MACROD2: variants seen among roughly 807,000 people sequenced by gnomAD.
MACROD2 encodes ADP-ribose glycohydrolase MACROD2.
In MACROD2, 36 loss-of-function variants were observed where a neutral mutation model predicts 70.4. The ratio of observed to expected loss-of-function variants is 0.51; its 90% CI spans 0.39 to 0.68. MACROD2 has a LOEUF of 0.68. Ranked by LOEUF, MACROD2 falls within the 30% of genes least tolerant of loss-of-function variation. The pLI, the probability that MACROD2 is intolerant of heterozygous loss-of-function variation, is 0.00. For synonymous variants in MACROD2, 172 were observed against 178.8 expected, an observed-to-expected ratio of 0.96 and a Z score of 0.30; for missense variants, 496 against 538.4, an observed-to-expected ratio of 0.92 and a Z score of 0.78.
intron 8 of MACROD2, among the ~76,000 whole-genome samples, chr20:15,567,827 G>A (rs953325463): frequency 1.3e-5 from 2 of 152,180 alleles, no homozygotes; most frequent in African/African-American, 4.8e-5. Flanking sequence ...CCAGTGAATG[G>A]TACCAGGTCA....
intron 5 of MACROD2, among the ~76,000 whole-genome samples, chr20:14,820,897 GT>G (rs1313237116): frequency 1.3e-5 from 2 of 152,048 alleles, no homozygotes; most frequent in African/African-American, 4.8e-5. Context: ...TTAGGTGTCA[GT>G]TTTTCATTAT....
chr20:14,809,749 G>T (rs2072686189), intron 5 of MACROD2, among the ~76,000 whole-genome samples: 1 of 151,934 alleles, frequency 6.6e-6, no homozygotes, highest in African/African-American at 2.4e-5. Context: ...CAATAAAGGG[G>T]ATATCACCAG....
chr20:14,922,479 T>G (rs1325771022), intron 5 of MACROD2, among the ~76,000 whole-genome samples: 2 of 152,198 alleles, frequency 1.3e-5, no homozygotes, highest in African/African-American at 4.8e-5. Context: ...TATTTTATTG[T>G]TACATCTAAA....
At chr20:15,068,069 A>C (rs2123099988) in intron 5 of MACROD2, among the ~76,000 whole-genome samples, 1 of 152,296 alleles carries the variant, frequency 6.6e-6, no homozygotes, top group South Asian at 2.1e-4. Context: ...ACAAAAGTTA[A>C]ATTTTATCTG....
chr20:14,287,411 A>G (rs1352851169), intron 3 of MACROD2, among the ~76,000 whole-genome samples: 1 of 150,658 alleles, frequency 6.6e-6, no homozygotes, highest in Non-Finnish European at 1.5e-5. Context: ...GATGATGATG[A>G]TGATCATGGT....
chr20:14,978,908 A>G lies in MACROD2; in HGVS notation c.419-251032A>G, dbSNP rs969961764. Among the ~76,000 whole-genome samples, 22 of 136,172 alleles carry G rather than the reference A, an allele frequency of 1.6e-4. No homozygotes were observed. The East Asian group carries it at 3.6e-3, about 22-fold the overall frequency. 89.3% of individuals were successfully genotyped at this position (136,172 alleles called of 152,430 possible). ...AAATATATATATTATATAATATATT[A>G]TATATAATATATATCATAATATATA... On this transcript the variant is annotated intron_variant, in intron 5 of 17. Coordinates refer to ENST00000684519, the MANE Select transcript of MACROD2 (RefSeq NM_001351661.2).
At chr20:14,732,198 A>G (rs150859318) in intron 5 of MACROD2, among the ~76,000 whole-genome samples, 2,061 of 152,142 alleles carry the variant, frequency 0.014, 48 homozygotes, top group African/African-American at 0.046. Context: ...TTTGGAGGAG[A>G]CTGTGGCTGG....
chr20:15,380,009 C>T (rs1233688299), intron 6 of MACROD2, among the ~76,000 whole-genome samples: 1 of 110,870 alleles, frequency 9.0e-6, no homozygotes, highest in Admixed American at 7.9e-5. Flanking sequence ...TCTCTTGGGT[C>T]CTCTTGGGTC....
intron 3 of MACROD2, among the ~76,000 whole-genome samples, chr20:14,469,199 CTG>C (rs2123041481): frequency 6.6e-6 from 1 of 152,140 alleles, no homozygotes; most frequent in Admixed American, 6.5e-5. Flanking sequence ...CTTAGTTTGC[CTG>C]TATATGAAAT....
chr20:14,645,797 G>T lies in MACROD2; in HGVS notation c.302-39046G>T, dbSNP rs372372789. ...ATTTAAATGGAACATGCAAGAGACA[G>T]TAATAACAGAGAGATCACATTCTCT... On this transcript the variant is annotated intron_variant, in intron 4 of 17. Coordinates refer to ENST00000684519, the MANE Select transcript of MACROD2 (RefSeq NM_001351661.2). Among the ~76,000 whole-genome samples the T allele has an allele frequency of 2.8e-4, 43 of 152,022 alleles. No homozygotes were observed. The East Asian group carries it at 7.4e-3, about 26-fold the overall frequency.
intron 5 of MACROD2, among the ~76,000 whole-genome samples, chr20:15,117,083 C>T (rs1170676342): frequency 6.6e-6 from 1 of 152,130 alleles, no homozygotes; most frequent in East Asian, 1.9e-4. Flanking sequence ...ACTGTCTTGA[C>T]AAGTCCTTTG....
At chr20:15,769,336 A>G (rs541086382) in intron 8 of MACROD2, among the ~76,000 whole-genome samples, 58 of 152,034 alleles carry the variant, frequency 3.8e-4, no homozygotes, top group Non-Finnish European at 6.3e-4. Flanking sequence ...TAGTACAGAC[A>G]GGGTTTCTCC....
At chr20:14,822,724 G>T (rs2072860570) in intron 5 of MACROD2, among the ~76,000 whole-genome samples, 1 of 151,946 alleles carries the variant, frequency 6.6e-6, no homozygotes, top group South Asian at 2.1e-4. Flanking sequence ...ATAACCTCCT[G>T]CAATTTTCCT....
chr20:15,812,857 C>T (rs2063834929), intron 8 of MACROD2, among the ~76,000 whole-genome samples: 1 of 152,120 alleles, frequency 6.6e-6, no homozygotes, highest in Non-Finnish European at 1.5e-5. Context: ...TTTTTTACAA[C>T]AGACTGAAAC....
chr20:15,627,110 T>C (rs985232185), intron 8 of MACROD2, among the ~76,000 whole-genome samples: 1 of 151,858 alleles, frequency 6.6e-6, no homozygotes, highest in African/African-American at 2.4e-5. Context: ...TGAAAAGGCA[T>C]TTGGGACAGT....
chr20:14,600,155 C>CA (rs963604825), intron 4 of MACROD2, among the ~76,000 whole-genome samples: 13 of 151,816 alleles, frequency 8.6e-5, no homozygotes, highest in African/African-American at 3.1e-4. Flanking sequence ...GCAATGCACA[C>CA]AAAAAAACTG....
chr20:14,037,574 T>G (rs79092741), intron 2 of MACROD2, among the ~76,000 whole-genome samples: 1 of 152,326 alleles, frequency 6.6e-6, no homozygotes, highest in Non-Finnish European at 1.5e-5. Context: ...AAGGAATGGA[T>G]ATTTTATTTT....
At chr20:14,674,708 G>A (rs899000778) in intron 4 of MACROD2, among the ~76,000 whole-genome samples, 3 of 152,136 alleles carry the variant, frequency 2.0e-5, no homozygotes, top group South Asian at 2.1e-4. Flanking sequence ...CATTATTATT[G>A]TTGTTGTTAA....
intron 3 of MACROD2, among the ~76,000 whole-genome samples, chr20:14,088,411 A>G (rs2054108088): frequency 6.6e-6 from 1 of 152,128 alleles, no homozygotes; most frequent in Non-Finnish European, 1.5e-5. Context: ...CACATAAAAG[A>G]TATATATTTA....
Sources: gnomAD v4.1 joint callset for allele counts (sites outside exome capture counted in the v4.1 genomes callset) on GRCh38, gnomAD v4.1.1 for gene constraint, MANE v1.5 for transcripts, NCBI Gene and HGNC (gene_info 2026-07-23, HGNC 2026-07-21) for gene names.